The following GOLM1 variants were observed in gnomAD, a reference collection of about 807,000 sequenced individuals.
The protein encoded by GOLM1 is epididymis luminal protein 46.
Under a neutral mutation model 50.5 loss-of-function variants are expected in GOLM1, and 31 were observed. That is an observed-to-expected ratio of 0.61 (90% CI 0.46 to 0.83). The LOEUF is 0.83. Ranked by LOEUF, GOLM1 falls within the 40% of genes least tolerant of loss-of-function variation. The pLI is 0.00. For synonymous variants in GOLM1, 178 were observed against 192.8 expected, an observed-to-expected ratio of 0.92 and a Z score of 0.64; for missense variants, 491 against 501.3, an observed-to-expected ratio of 0.98 and a Z score of 0.20.
At chr9:86,088,819 T>G (rs1293432616) in intron 1 of GOLM1, among the ~76,000 whole-genome samples, 2 of 152,142 alleles carry the variant, frequency 1.3e-5, no homozygotes, top group African/African-American at 4.8e-5. Context: ...GTTAACTGGT[T>G]ATTTTGTCCA....
At chr9:86,083,876 G>A (rs1181606087) in intron 1 of GOLM1, among the ~76,000 whole-genome samples, 1 of 152,148 alleles carries the variant, frequency 6.6e-6, no homozygotes, top group African/African-American at 2.4e-5. Flanking sequence ...CTGAGATCAA[G>A]GTCTGATCAG....
At chr9:86,083,260 T>C (rs138164222) in intron 1 of GOLM1, among the ~76,000 whole-genome samples, 36 of 152,334 alleles carry the variant, frequency 2.4e-4, no homozygotes, top group Middle Eastern at 3.4e-3. Flanking sequence ...CATGTCTAGA[T>C]TACTTATAAT....
Position 86,058,854 on chromosome 9 carries a change from G to A in GOLM1, c.310-6263C>T, listed in dbSNP as rs931376302. On this transcript the variant is annotated intron_variant, in intron 3 of 9. Coordinates refer to ENST00000388712, the MANE Select transcript of GOLM1 (RefSeq NM_016548.4). ...TCTACTAAAACTACAAAAATTAGCC[G>A]GATGTGGTGGCAGGTGCCTGTAATC... Among the ~76,000 whole-genome samples the A allele has an allele frequency of 7.2e-5, 11 of 152,044 alleles. No homozygotes were observed. The South Asian group carries it at 1.7e-3, about 23-fold the overall frequency.
intron 1 of GOLM1, among the ~76,000 whole-genome samples, chr9:86,083,582 T>C (rs959654998): frequency 6.6e-6 from 1 of 152,214 alleles, no homozygotes; most frequent in Admixed American, 6.5e-5. Context: ...GAGACAGTGT[T>C]TCACTATGTT....
At chr9:86,053,559 A>ATGC (rs1833861184) in intron 3 of GOLM1, among the ~76,000 whole-genome samples, 4 of 306 alleles carry the variant, frequency 0.013, no homozygotes, top group Non-Finnish European at 0.057. Context: ...CACACACTAC[A>ATGC]CACACACACA....
At chr9:86,036,792 C>T (rs1057216477) in intron 6 of GOLM1, 7 of 393,450 alleles carry the variant, frequency 1.8e-5, no homozygotes, top group South Asian at 8.8e-5. Context: ...AATACCTAGG[C>T]GGAAGATCAA....
rs541942962 is a variant in GOLM1 at position 86,046,166 on chromosome 9, C to T, written c.467+304G>A. On this transcript the variant is annotated intron_variant, in intron 5 of 9. Transcript: ENST00000388712. ...CTTTTAGTCAACGAATTTGATTTAG[C>T]TCACGCATGAGCACCTATGAAACAC... is the stretch of plus-strand genomic sequence containing the variant. Among the ~76,000 whole-genome samples the T allele has an allele frequency of 1.3e-5, 2 of 152,346 alleles. 1 individual carries two copies. The highest frequency in any genetic ancestry group is 4.8e-5 in the African/African-American group (2 of 41,582).
At chr9:86,093,584 T>A (rs1487246248) in intron 1 of GOLM1, among the ~76,000 whole-genome samples, 2 of 137,152 alleles carry the variant, frequency 1.5e-5, no homozygotes, top group Non-Finnish European at 1.5e-5. Flanking sequence ...AAAAAAAAAA[T>A]CACTTGATAA....
At chr9:86,088,567 GTTTTGTTTT>G (rs1380452866) in intron 1 of GOLM1, among the ~76,000 whole-genome samples, 32 of 58,792 alleles carry the variant, frequency 5.4e-4, no homozygotes, top group Non-Finnish European at 7.7e-4. Context: ...GCAACTCCTG[GTTTTGTTTT>G]TTTTTTTTTT....
At chr9:86,078,970 G>A (rs577955766) in intron 2 of GOLM1, among the ~76,000 whole-genome samples, 2 of 152,136 alleles carry the variant, frequency 1.3e-5, no homozygotes, top group African/African-American at 4.8e-5. Context: ...TACCACAACC[G>A]CAATCCTACA....
At chr9:86,070,667 C>T (rs1834423510) in intron 3 of GOLM1, among the ~76,000 whole-genome samples, 1 of 152,146 alleles carries the variant, frequency 6.6e-6, no homozygotes, top group Admixed American at 6.6e-5. Context: ...GGACACAGGG[C>T]CCCAGGCACA....
At chr9:86,092,075 A>C (rs2118902484) in intron 1 of GOLM1, among the ~76,000 whole-genome samples, 1 of 152,294 alleles carries the variant, frequency 6.6e-6, no homozygotes, top group African/African-American at 2.4e-5. Context: ...CCAAGACTGG[A>C]ACCCCACAAC....
At chr9:86,067,774 G>A (rs113700434) in intron 3 of GOLM1, among the ~76,000 whole-genome samples, 38 of 152,254 alleles carry the variant, frequency 2.5e-4, no homozygotes, top group African/African-American at 7.7e-4. Context: ...AGGCCGAGGC[G>A]GGCGGATCAC....
intron 4 of GOLM1, 101 bp from the exon 5 acceptor site, chr9:86,046,673 G>A (rs542456452): frequency 3.0e-5 from 22 of 736,446 alleles, no homozygotes; most frequent in African/African-American, 2.8e-4. Context: ...GACCATAAAG[G>A]GCAAGGACAG....
At chr9:86,081,895 A>G (rs991884695) in intron 1 of GOLM1, among the ~76,000 whole-genome samples, 2 of 151,570 alleles carry the variant, frequency 1.3e-5, no homozygotes, top group African/African-American at 2.4e-5. Context: ...ATTAAAAAAA[A>G]AAAAGAAAAA....
intron 3 of GOLM1, among the ~76,000 whole-genome samples, chr9:86,076,572 A>G (rs1834622442): frequency 2.6e-5 from 4 of 151,278 alleles, no homozygotes. Context: ...ATATTCCTAC[A>G]TAAGAAAACC....
chr9:86,074,180 T>G (rs924109075), intron 3 of GOLM1, among the ~76,000 whole-genome samples: 2 of 150,120 alleles, frequency 1.3e-5, no homozygotes, highest in Non-Finnish European at 2.9e-5. Context: ...TTCTTTAAAA[T>G]TTTTTTAAGG....
At chr9:86,028,611 C>T (rs1047519209) in intron 9 of GOLM1, among the ~76,000 whole-genome samples, 3 of 152,212 alleles carry the variant, frequency 2.0e-5, no homozygotes, top group Non-Finnish European at 4.4e-5. Context: ...TCTAATTGAA[C>T]TGATTAACAC....
At position 86,027,824 on chromosome 9, in the gene GOLM1, G is replaced by A. The variant is rs1832832272; in HGVS notation, c.1199C>T (p.Thr400Ile). The A allele has an allele frequency of 1.9e-6, 3 of 1,612,754 alleles. No individual in the cohort carries two copies. Among genetic ancestry groups the A allele is most frequent in the Non-Finnish European group, 1.7e-6 (2 of 1,179,052 alleles). The change falls in exon 10 of 10, where the codon ACA (threonine) becomes ATA (isoleucine). Residue 400 changes from threonine to isoleucine, a missense_variant. Thr to Ile is a moderately conservative substitution (Grantham distance 89). Transcript: ENST00000388712. ...LLDQREKRNHTL is the reference protein window; with the variant it reads ...LLDQREKRNHIL ...ATGTGATTCCAGTTCAATTCAGAGT[G>A]TATGATTCCGCTTTTCACGCTGATC...
Sources: gnomAD v4.1 joint callset for allele counts (sites outside exome capture counted in the v4.1 genomes callset) on GRCh38, gnomAD v4.1.1 for gene constraint, MANE v1.5 for transcripts, NCBI Gene and HGNC (gene_info 2026-07-23, HGNC 2026-07-21) for gene names.